The following MOB3B variants were observed in gnomAD, a reference collection of about 807,000 sequenced individuals.
The protein encoded by MOB3B is MOB kinase activator 3B, also known as MOB kinase activator-like 2B.
Under a neutral mutation model 18.7 loss-of-function variants are expected in MOB3B, and 7 were observed. The ratio of observed to expected loss-of-function variants is 0.37; its 90% CI spans 0.21 to 0.70. MOB3B has a LOEUF of 0.70. MOB3B is among the 30% of genes least tolerant of loss of function. MOB3B has a pLI of 0.52. For missense variants in MOB3B, 253 were observed against 281.3 expected (o/e 0.90, Z 0.72); for synonymous variants, 111 against 99.9 (o/e 1.11, Z -0.66).
At position 27,328,259 on chromosome 9, in the gene MOB3B, A is replaced by T. The variant is rs1282186654; in HGVS notation, c.*2328T>A. The T allele has an allele frequency of 6.6e-6, 1 of 152,198 alleles. No individual in the cohort carries two copies. The highest frequency in any genetic ancestry group is 2.4e-5 in the African/African-American group (1 of 41,450). 9.4% of individuals were successfully genotyped at this position (152,198 alleles called of 1,614,324 possible). On this transcript the variant is annotated 3_prime_UTR_variant, in exon 4 of 4. Transcript: ENST00000262244. Reference sequence around the variant, plus strand: ...AAGGAGGGTTGTCAGTCTCTGACCCAGAGGGCTGAAGCTCCATTTATAACA... The same window carrying T: ...AAGGAGGGTTGTCAGTCTCTGACCCTGAGGGCTGAAGCTCCATTTATAACA...
chr9:27,459,846 A>C (rs531789836), intron 1 of MOB3B, among the ~76,000 whole-genome samples: 2 of 142,276 alleles, frequency 1.4e-5, no homozygotes, highest in South Asian at 4.6e-4. Context: ...GCAACAACAC[A>C]GTGGTTATTT....
At chr9:27,463,090 T>C (rs571808508) in intron 1 of MOB3B, among the ~76,000 whole-genome samples, 3 of 152,292 alleles carry the variant, frequency 2.0e-5, no homozygotes, top group Non-Finnish European at 4.4e-5. Context: ...AGTATAGTGG[T>C]TGTTGCTATC....
rs1820728448 is a variant in MOB3B, at chr9:27,327,398, A to G, written c.*3189T>C. ...GTGCTTCCTGAGGTGAGGCAGTAGT[A>G]AGGAAACAACATCACACATGTAGCA... On this transcript the variant is annotated 3_prime_UTR_variant, in exon 4 of 4. Coordinates refer to ENST00000262244, the MANE Select transcript of MOB3B (RefSeq NM_024761.5). The G allele has an allele frequency of 6.6e-6, 1 of 152,208 alleles. No homozygotes were observed. Among genetic ancestry groups the G allele is most frequent in the African/African-American group, 2.4e-5 (1 of 41,440 alleles). 9.4% of individuals were successfully genotyped at this position (152,208 alleles called of 1,614,324 possible).
At chr9:27,460,935 T>A (rs189256809) in intron 1 of MOB3B, among the ~76,000 whole-genome samples, 1 of 152,172 alleles carries the variant, frequency 6.6e-6, no homozygotes, top group African/African-American at 2.4e-5. Flanking sequence ...CTTCAGTTAT[T>A]TGGGGACTCT....
At chr9:27,380,716 G>A (rs1322311509) in intron 2 of MOB3B, among the ~76,000 whole-genome samples, 2 of 115,424 alleles carry the variant, frequency 1.7e-5, no homozygotes, top group African/African-American at 6.8e-5. Flanking sequence ...CCTTGTTCTT[G>A]CTGTAGTCCA....
intron 2 of MOB3B, among the ~76,000 whole-genome samples, chr9:27,366,568 A>G (rs2131362829): frequency 6.6e-6 from 1 of 152,332 alleles, no homozygotes; most frequent in South Asian, 2.1e-4. Context: ...AATATGCAGA[A>G]ATGCTTCGGT....
chr9:27,334,877 G>A (rs1458128087), intron 3 of MOB3B, among the ~76,000 whole-genome samples: 12 of 151,848 alleles, frequency 7.9e-5, no homozygotes, highest in East Asian at 7.7e-4. Context: ...AGGCTGGAGC[G>A]CAGTGGCGCG....
chr9:27,465,767 G>C (rs1819374385), intron 1 of MOB3B, among the ~76,000 whole-genome samples: 1 of 152,200 alleles, frequency 6.6e-6, no homozygotes, highest in Admixed American at 6.5e-5. Context: ...CGTGGAAACT[G>C]CCAAGGCCTG....
chr9:27,373,062 G>C (rs535292145), intron 2 of MOB3B, among the ~76,000 whole-genome samples: 1 of 152,332 alleles, frequency 6.6e-6, no homozygotes, highest in African/African-American at 2.4e-5. Flanking sequence ...AAAAATATTT[G>C]ATTGGCTCCA....
At chr9:27,347,789 C>T (rs1170003218) in intron 3 of MOB3B, among the ~76,000 whole-genome samples, 1 of 152,148 alleles carries the variant, frequency 6.6e-6, no homozygotes. Flanking sequence ...CAAATACTTA[C>T]CATTATGTTA....
intron 2 of MOB3B, among the ~76,000 whole-genome samples, chr9:27,443,770 G>T (rs1822631881): frequency 6.6e-6 from 1 of 152,082 alleles, no homozygotes; most frequent in South Asian, 2.1e-4. Context: ...GTAACATTTT[G>T]GTTTGGTTTT....
rs529165050 is a variant in MOB3B, at chr9:27,468,999, T to C, written c.-198-13251A>G. Among the ~76,000 whole-genome samples, 14 of 152,354 alleles carry C rather than the reference T, an allele frequency of 9.2e-5. No homozygotes were observed. In the East Asian group the frequency reaches 9.6e-4, roughly 10 times the overall value. On this transcript the variant is annotated intron_variant, in intron 1 of 3. Transcript: ENST00000262244. ...GCTTAAAACAATGTTTAAAAAGTCA[T>C]GGTAGAACTTTGTAAAGATCTTTGC...
At chr9:27,499,188 AT>A (rs1819949418) in intron 1 of MOB3B, among the ~76,000 whole-genome samples, 1 of 152,188 alleles carries the variant, frequency 6.6e-6, no homozygotes, top group African/African-American at 2.4e-5. Context: ...TGACAATTAT[AT>A]TTATTTTTGC....
intron 1 of MOB3B, among the ~76,000 whole-genome samples, chr9:27,514,279 C>G (rs1587271073): frequency 7.1e-6 from 1 of 139,868 alleles, no homozygotes; most frequent in East Asian, 2.2e-4. Context: ...TTTAAGACAT[C>G]CAATTTATGA....
At chr9:27,333,843 A>T (rs1563842568) in intron 3 of MOB3B, among the ~76,000 whole-genome samples, 1 of 152,162 alleles carries the variant, frequency 6.6e-6, no homozygotes, top group East Asian at 1.9e-4. Flanking sequence ...AAGAGGACCC[A>T]TCGCCCCCTG....
At chr9:27,371,895 A>G (rs117411766) in intron 2 of MOB3B, among the ~76,000 whole-genome samples, 5,150 of 152,306 alleles carry the variant, frequency 0.034, 157 homozygotes, top group Non-Finnish European at 0.05. Context: ...CAAGGACACT[A>G]AAAAATTTTC....
chr9:27,464,587 T>C (rs957624115), intron 1 of MOB3B, among the ~76,000 whole-genome samples: 2 of 152,246 alleles, frequency 1.3e-5, no homozygotes, highest in African/African-American at 4.8e-5. Flanking sequence ...TTACAACCTC[T>C]GTATTCTGAT....
Position 27,360,096 on chromosome 9 carries a change from G to T in MOB3B, c.419-860C>A, listed in dbSNP as rs371353416. On this transcript the variant is annotated intron_variant, in intron 2 of 3. Transcript: ENST00000262244. Reference sequence around the variant, plus strand: ...GTCATAATAAGGTCTTCCTTAAATGGCTGGGAAGGTATTAATGTAAGATCC... The same window carrying T: ...GTCATAATAAGGTCTTCCTTAAATGTCTGGGAAGGTATTAATGTAAGATCC... Among the ~76,000 whole-genome samples the T allele has an allele frequency of 1.4e-3, 213 of 152,298 alleles. 5 individuals are homozygous for T. The South Asian group carries it at 0.043, about 31-fold the overall frequency.
At chr9:27,332,270 T>C (rs7041808) in intron 3 of MOB3B, among the ~76,000 whole-genome samples, 144,411 of 152,266 alleles carry the variant, frequency 0.95, 68,600 homozygotes, top group East Asian at 0.99. Flanking sequence ...GGATTACAGG[T>C]GTGAACCACT....
Sources: allele counts gnomAD v4.1 joint callset (sites outside exome capture counted in the v4.1 genomes callset), GRCh38; gene constraint gnomAD v4.1.1; transcripts MANE v1.5; gene names NCBI Gene and HGNC (gene_info 2026-07-23, HGNC 2026-07-21).